Variants in WWOX observed in about 807,000 individuals in gnomAD.
The protein encoded by WWOX is WW domain-containing oxidoreductase.
Under a neutral mutation model 46.2 loss-of-function variants are expected in WWOX, and 69 were observed. That is an observed-to-expected ratio of 1.49 (90% CI 1.23 to 1.82). WWOX has a LOEUF of 1.82. Ranked by LOEUF, WWOX falls within the 40% of genes most tolerant of loss-of-function variation. The pLI is 0.00. For missense variants in WWOX, 919 were observed against 542.6 expected (o/e 1.69, Z -6.89); for synonymous variants, 359 against 202.6 (o/e 1.77, Z -6.56).
At chr16:78,747,697 T>C (rs2142439034) in intron 8 of WWOX, among the ~76,000 whole-genome samples, 1 of 152,302 alleles carries the variant, frequency 6.6e-6, no homozygotes, top group East Asian at 1.9e-4. Flanking sequence ...AATTGTTTCC[T>C]CGATTACTGT....
intron 8 of WWOX, among the ~76,000 whole-genome samples, chr16:79,027,186 G>A (rs2047662721): frequency 6.6e-6 from 1 of 150,762 alleles, no homozygotes; most frequent in Admixed American, 6.6e-5. Context: ...AGGCTGAAGT[G>A]GGATAATCAG....
chr16:78,133,789 A>C (rs1391534845), intron 4 of WWOX, among the ~76,000 whole-genome samples: 1 of 152,230 alleles, frequency 6.6e-6, no homozygotes, highest in Non-Finnish European at 1.5e-5. Flanking sequence ...ACTGCATGTC[A>C]TGCGTAGAAG....
intron 8 of WWOX, among the ~76,000 whole-genome samples, chr16:79,109,255 G>C (rs186298764): frequency 3.3e-5 from 5 of 152,324 alleles, no homozygotes; most frequent in Middle Eastern, 3.4e-3. Context: ...CATCTGGGCA[G>C]TGTGCACTGT....
chr16:78,925,883 C>A (rs373153815), intron 8 of WWOX, among the ~76,000 whole-genome samples: 1 of 152,130 alleles, frequency 6.6e-6, no homozygotes. Flanking sequence ...CATTTGATCC[C>A]ACCCTTGCCT....
intron 8 of WWOX, among the ~76,000 whole-genome samples, chr16:78,507,089 C>T (rs1433573554): frequency 6.6e-6 from 1 of 152,194 alleles, no homozygotes; most frequent in African/African-American, 2.4e-5. Context: ...GGAGCAACAT[C>T]ATCCCAAATA....
At chr16:78,604,970 T>G (rs1453394954) in intron 8 of WWOX, among the ~76,000 whole-genome samples, 1 of 43,452 alleles carries the variant, frequency 2.3e-5, no homozygotes. Flanking sequence ...CTTTCCTTCC[T>G]TTCTTTCCTT....
At chr16:78,893,726 C>T (rs1427057427) in intron 8 of WWOX, among the ~76,000 whole-genome samples, 1 of 152,114 alleles carries the variant, frequency 6.6e-6, no homozygotes, top group Admixed American at 6.6e-5. Flanking sequence ...ATTAGCTTCC[C>T]CTTGTTCCAG....
At chr16:79,004,363 G>A (rs1172011408) in intron 8 of WWOX, 1 of 152,230 alleles carries the variant, frequency 6.6e-6, no homozygotes, top group Non-Finnish European at 1.5e-5. Flanking sequence ...ATTCATGGCT[G>A]CCAGGAGGAC....
chr16:79,120,327 G>A (rs908352460), intron 8 of WWOX, among the ~76,000 whole-genome samples: 2 of 152,154 alleles, frequency 1.3e-5, no homozygotes, highest in African/African-American at 2.4e-5. Flanking sequence ...GCTGTCAGGC[G>A]CATTTACCCT....
chr16:78,817,512 G>A (rs1054819942), intron 8 of WWOX, among the ~76,000 whole-genome samples: 11 of 152,176 alleles, frequency 7.2e-5, no homozygotes, highest in Non-Finnish European at 1.2e-4. Flanking sequence ...TAGATGTACA[G>A]CTTGGCTGAA....
At chr16:78,594,444 C>A (rs1409893992) in intron 8 of WWOX, among the ~76,000 whole-genome samples, 15 of 85,644 alleles carry the variant, frequency 1.8e-4, no homozygotes, top group African/African-American at 4.7e-5. Flanking sequence ...CCCCCCCCCC[C>A]CGCCAAATTG....
At chr16:78,700,325 AGAGAGAG>A (rs2048186395) in intron 8 of WWOX, among the ~76,000 whole-genome samples, 4 of 39,510 alleles carry the variant, frequency 1.0e-4, no homozygotes, top group African/African-American at 5.4e-4. Context: ...AGAGAGAGAG[AGAGAGAG>A]AGAGAGAGAG....
intron 5 of WWOX, among the ~76,000 whole-genome samples, chr16:78,339,978 C>G (rs1376211574): frequency 1.5e-5 from 1 of 68,000 alleles, no homozygotes. Context: ...CTTTGTGTTA[C>G]TTTCAGGGAT....
chr16:78,823,285 C>T (rs147543085), intron 8 of WWOX, among the ~76,000 whole-genome samples: 63 of 152,222 alleles, frequency 4.1e-4, no homozygotes, highest in Middle Eastern at 6.8e-3. Context: ...GGGCGGCTGG[C>T]GGGTTGGGGG....
chr16:79,060,078 T>TA (rs1379094991), intron 8 of WWOX, among the ~76,000 whole-genome samples: 1 of 152,212 alleles, frequency 6.6e-6, no homozygotes, highest in African/African-American at 2.4e-5. Flanking sequence ...TATTTCTGGG[T>TA]ACAAACCAGG....
intron 8 of WWOX, among the ~76,000 whole-genome samples, chr16:79,139,661 T>A (rs540356836): frequency 9.2e-5 from 14 of 152,280 alleles, no homozygotes; most frequent in Middle Eastern, 6.8e-3. Context: ...CTTGTTGAAA[T>A]GTTTTTAAAA....
chr16:78,526,872 T>C (rs1469401320), intron 8 of WWOX, among the ~76,000 whole-genome samples: 1 of 152,154 alleles, frequency 6.6e-6, no homozygotes, highest in Non-Finnish European at 1.5e-5. Context: ...CCTGGCCCAG[T>C]GTGCCAGCGA....
At chr16:78,849,537 G>A (rs2052387439) in intron 8 of WWOX, among the ~76,000 whole-genome samples, 1 of 134,632 alleles carries the variant, frequency 7.4e-6, no homozygotes, top group African/African-American at 2.8e-5. Flanking sequence ...TCGTGACACT[G>A]CACTCCGGCC....
chr16:78,462,975 T>A (rs1728574195), intron 8 of WWOX, among the ~76,000 whole-genome samples: 1 of 152,230 alleles, frequency 6.6e-6, no homozygotes, highest in Non-Finnish European at 1.5e-5. Context: ...ATTTTGTAAA[T>A]GTCCTCTGAT....
Sources: allele counts gnomAD v4.1 joint callset (sites outside exome capture counted in the v4.1 genomes callset), GRCh38; gene constraint gnomAD v4.1.1; transcripts MANE v1.5; gene names NCBI Gene and HGNC (gene_info 2026-07-23, HGNC 2026-07-21).